PTPN1: variants seen among roughly 807,000 people sequenced by gnomAD.
PTPN1 encodes the protein tyrosine-protein phosphatase non-receptor type 1.
In PTPN1, 12 loss-of-function variants were observed where a neutral mutation model predicts 59.9. That is an observed-to-expected ratio of 0.20 (90% CI 0.13 to 0.32). PTPN1 has a LOEUF of 0.32. Among genes scored for constraint, PTPN1 ranks in the 10% least tolerant of loss-of-function variants. PTPN1 has a pLI of 1.00. For missense variants in PTPN1, 356 were observed against 549.2 expected, an observed-to-expected ratio of 0.65 and a Z score of 3.52; for synonymous variants, 178 against 203.6, an observed-to-expected ratio of 0.87 and a Z score of 1.07.
intron 1 of PTPN1, among the ~76,000 whole-genome samples, chr20:50,549,064 G>A (rs1193967976): frequency 6.6e-6 from 1 of 152,164 alleles, no homozygotes; most frequent in Non-Finnish European, 1.5e-5. Flanking sequence ...ACAATAAATT[G>A]CATATGGAAT....
intron 4 of PTPN1, chr20:50,571,345 C>T (rs1476621663): frequency 6.6e-6 from 1 of 152,218 alleles, no homozygotes; most frequent in Non-Finnish European, 1.5e-5. Flanking sequence ...TGGAGGATTA[C>T]TTGGGCGTGC....
chr20:50,545,983 A>G (rs2082673920), intron 1 of PTPN1, among the ~76,000 whole-genome samples: 1 of 152,046 alleles, frequency 6.6e-6, no homozygotes, highest in Non-Finnish European at 1.5e-5. Flanking sequence ...GGCTTCAGTG[A>G]GCCCTTATTG....
At chr20:50,580,049 T>C in intron 8 of PTPN1, 123 bp downstream of exon 8, 1 of 910,874 alleles carries the variant, frequency 1.1e-6, no homozygotes, top group Non-Finnish European at 1.7e-6. Context: ...TTCCGCATCC[T>C]TGGGGAACAG....
intron 8 of PTPN1, 89 bp from the exon 9 acceptor site, chr20:50,581,176 T>A (rs2082866513): frequency 1.3e-6 from 2 of 1,496,986 alleles, no homozygotes; most frequent in Non-Finnish European, 1.8e-6. Context: ...GTGGCTTGTT[T>A]TTTCCTAGAA....
At chr20:50,548,357 C>T (rs1041158721) in intron 1 of PTPN1, among the ~76,000 whole-genome samples, 6 of 151,994 alleles carry the variant, frequency 3.9e-5, no homozygotes, top group African/African-American at 1.4e-4. Context: ...TGTTTTTATT[C>T]ATAACATCTT....
At chr20:50,554,655 T>TA (rs1197896478) in intron 1 of PTPN1, among the ~76,000 whole-genome samples, 2 of 151,978 alleles carry the variant, frequency 1.3e-5, no homozygotes. Flanking sequence ...AACATAGAAA[T>TA]AAAAAATGTA....
Position 50,568,184 on chromosome 20 carries a change from G to A in PTPN1, c.256-196G>A, listed in dbSNP as rs1163903852. Among the ~76,000 whole-genome samples, 3 of 152,178 alleles carry A rather than the reference G, an allele frequency of 2.0e-5. No individual in the cohort carries two copies. Among genetic ancestry groups the A allele is most frequent in the African/African-American group, 2.4e-5 (1 of 41,438 alleles). ...AACTGAGATGCGGAAATCGCCTTTC[G>A]CTGCCTGGTAGAAAATGGAGCTGCA... On this transcript the variant is annotated intron_variant, in intron 3 of 9. Transcript: ENST00000371621. This position sits in a 1 kb window ranked among gnomAD's most constrained non-coding sequence, Gnocchi z 5.6.
intron 1 of PTPN1, among the ~76,000 whole-genome samples, chr20:50,546,909 A>G (rs1443495258): frequency 1.3e-5 from 2 of 152,250 alleles, no homozygotes; most frequent in Non-Finnish European, 2.9e-5. Flanking sequence ...TCCGGCAAAC[A>G]GCAGAAGCCC....
At chr20:50,548,766 G>A (rs1392137765) in intron 1 of PTPN1, among the ~76,000 whole-genome samples, 1 of 152,180 alleles carries the variant, frequency 6.6e-6, no homozygotes, top group Non-Finnish European at 1.5e-5. Flanking sequence ...TGCCCAGGCT[G>A]TAGTGCAGTG....
intron 1 of PTPN1, among the ~76,000 whole-genome samples, chr20:50,559,979 CTTGAGCAGG>C (rs1255638149): frequency 6.6e-6 from 1 of 151,854 alleles, no homozygotes; most frequent in Non-Finnish European, 1.5e-5. Context: ...GTATGAGAAC[CTTGAGCAGG>C]TGTAAGGAGC....
chr20:50,584,161 T>C lies in PTPN1; in HGVS notation c.*1446T>C, dbSNP rs2082885031. On this transcript the variant is annotated 3_prime_UTR_variant, in exon 10 of 10. Transcript: ENST00000371621. ...AACACGGCAGCTGTAGCTCCCGAGC[T>C]ACTCTCTTGCCAGCATTTTCACATT... 1 of 152,668 alleles carries C rather than the reference T, an allele frequency of 6.6e-6. No homozygotes were observed. The highest frequency in any genetic ancestry group is 1.5e-5 in the Non-Finnish European group (1 of 68,048). The allele number at this position is 152,668 out of a possible 1,614,324, so 9.5% of individuals were successfully genotyped here.
intron 1 of PTPN1, among the ~76,000 whole-genome samples, chr20:50,530,735 C>G (rs974643964): frequency 9.2e-5 from 14 of 151,408 alleles, no homozygotes; most frequent in Non-Finnish European, 1.9e-4. Flanking sequence ...CTCTGTCACC[C>G]AGGCTGGAGT....
chr20:50,526,039 G>A (rs1488166593), intron 1 of PTPN1, among the ~76,000 whole-genome samples: 3 of 152,106 alleles, frequency 2.0e-5, no homozygotes, highest in Non-Finnish European at 4.4e-5. Context: ...TCTGATTTGC[G>A]GAGGAGAGTG....
intron 3 of PTPN1, among the ~76,000 whole-genome samples, chr20:50,566,329 T>C (rs2082778938): frequency 6.6e-6 from 1 of 152,190 alleles, no homozygotes; most frequent in African/African-American, 2.4e-5. Flanking sequence ...GCCCTTTAAA[T>C]ACCTGTTGTC....
At chr20:50,545,964 AGAAGTCGAGGCTTCAGT>A (rs1198549710) in intron 1 of PTPN1, among the ~76,000 whole-genome samples, 3 of 151,818 alleles carry the variant, frequency 2.0e-5, no homozygotes, top group African/African-American at 7.3e-5. Context: ...CCTGAGCCCT[AGAAGTCGAGGCTTCAGT>A]GAGCCCTTAT....
At chr20:50,514,934 G>A (rs1435075187) in intron 1 of PTPN1, among the ~76,000 whole-genome samples, 1 of 152,184 alleles carries the variant, frequency 6.6e-6, no homozygotes. Flanking sequence ...CATTTCACTG[G>A]TTGGTCACTA....
At chr20:50,547,267 T>G (rs1223983875) in intron 1 of PTPN1, among the ~76,000 whole-genome samples, 1 of 152,222 alleles carries the variant, frequency 6.6e-6, no homozygotes, top group Non-Finnish European at 1.5e-5. Context: ...ATTCTGATTC[T>G]TTGTATAAAT....
At chr20:50,576,800 AGGAGGC>A (rs2082839083) in intron 5 of PTPN1, among the ~76,000 whole-genome samples, 1 of 151,958 alleles carries the variant, frequency 6.6e-6, no homozygotes, top group African/African-American at 2.4e-5. Flanking sequence ...GCTTGAACCC[AGGAGGC>A]GGAGGTTGCA....
intron 1 of PTPN1, among the ~76,000 whole-genome samples, chr20:50,513,836 GA>G (rs111418350): frequency 6.6e-4 from 100 of 151,428 alleles, no homozygotes; most frequent in African/African-American, 2.4e-3. Flanking sequence ...TTCTTCAGAG[GA>G]AAAAAAACTA....
Sources: gnomAD v4.1 joint callset for allele counts (sites outside exome capture counted in the v4.1 genomes callset) on GRCh38, gnomAD v4.1.1 for gene constraint, Gnocchi (gnomAD v3.1) non-coding constraint, MANE v1.5 for transcripts, NCBI Gene and HGNC (gene_info 2026-07-23, HGNC 2026-07-21) for gene names.